CCNT1: variants seen among roughly 807,000 people sequenced by gnomAD.
CCNT1 encodes cyclin T1.
In CCNT1, 18 loss-of-function variants were observed where a neutral mutation model predicts 67.3. The ratio of observed to expected loss-of-function variants is 0.27; its 90% confidence interval spans 0.18 to 0.40. The LOEUF (loss-of-function observed/expected upper bound fraction) is 0.40, where lower values mean the gene tolerates loss of function less well. Among genes scored for constraint, CCNT1 ranks in the 10% least tolerant of loss-of-function variants. The pLI, the probability that CCNT1 is intolerant of heterozygous loss-of-function variation, is 1.00. For synonymous variants in CCNT1, 333 were observed against 310.3 expected, an observed-to-expected ratio of 1.07 and a Z score of -0.77; for missense variants, 744 against 884.9, an observed-to-expected ratio of 0.84 and a Z score of 2.02.
Position 48,694,433 on chromosome 12 carries a change from A to G in CCNT1, c.781T>C (p.Cys261Arg). 1 of 1,609,704 alleles carries G rather than the reference A, an allele frequency of 6.2e-7. No individual in the cohort carries two copies. The highest frequency in any genetic ancestry group is 8.5e-7 in the Non-Finnish European group (1 of 1,176,712). The stretch of plus-strand genomic sequence containing the variant: ...GCTTTTGTTTTCTTGGCAGCCTCGC[A>G]TGCCTGCAATGAAGCAAATAGCATC... ...RLKRIWNWRACEAAKKTKADD... is the reference protein window; with the variant it reads ...RLKRIWNWRAREAAKKTKADD... Residue 261 changes from cysteine to arginine, a missense_variant, in exon 9 of 9, where the codon TGC (cysteine) becomes CGC (arginine). This residue lies in a region of CCNT1 where 564 missense variants were observed against 574.2 expected (regional missense o/e 0.98). Coordinates refer to ENST00000261900, the MANE Select transcript of CCNT1 (RefSeq NM_001240.4).
chr12:48,696,000 A>T lies in CCNT1; in HGVS notation c.705T>A (p.Asp235Glu). 6.2e-7 allele frequency: 1 copy of T among 1,614,078 alleles called. No homozygotes were observed. Among genetic ancestry groups the T allele is most frequent in the Non-Finnish European group, 8.5e-7 (1 of 1,179,998 alleles). Residue 235 changes from aspartate (D) to glutamate (E), a missense_variant and splice_region_variant, in exon 7 of 9, where the codon GAT becomes GAA. By Grantham distance (45) the Asp-to-Glu change is conservative. Around this residue, in one of 3 missense-constraint regions of CCNT1, gnomAD observed 142 missense variants for 277.0 expected, o/e 0.51. Coordinates refer to ENST00000261900, the MANE Select transcript of CCNT1 (RefSeq NM_001240.4). ...AAGGTCCCTTACTCTAAAACTTACCATCTAAAAGTTCCAAGGTCACAGTGG... is the reference window on the plus strand; with the variant it reads ...AAGGTCCCTTACTCTAAAACTTACCTTCTAAAAGTTCCAAGGTCACAGTGG... ...VDATVTLELL[D>E]ELTHEFLQIL... is the part of the protein sequence containing the mutation.
intron 2 of CCNT1, 31 bp downstream of exon 2, chr12:48,714,412 G>A: frequency 7.4e-7 from 1 of 1,351,550 alleles, no homozygotes. Context: ...AATCACAAAA[G>A]GATTATATCA....
chr12:48,700,176 G>A (rs1040554425), intron 4 of CCNT1, among the ~76,000 whole-genome samples: 3 of 151,838 alleles, frequency 2.0e-5, no homozygotes, highest in African/African-American at 7.3e-5. Flanking sequence ...AAATTTAGCT[G>A]GGCGTGGTGG....
At chr12:48,711,012 G>A (rs1050283699) in intron 2 of CCNT1, among the ~76,000 whole-genome samples, 1 of 152,070 alleles carries the variant, frequency 6.6e-6, no homozygotes, top group African/African-American at 2.4e-5. Flanking sequence ...AGTGAGCTGA[G>A]ATCGCGCAGC....
chr12:48,694,518 G>T (rs969946788), intron 8 of CCNT1, 82 bp from the exon 9 acceptor site: 3 of 1,290,394 alleles, frequency 2.3e-6, no homozygotes, highest in Non-Finnish European at 3.2e-6. Flanking sequence ...TGTACTTGCA[G>T]CAACACTGGA....
At chr12:48,694,546 AG>A in intron 8 of CCNT1, 110 bp from the exon 9 acceptor site, 1 of 861,806 alleles carries the variant, frequency 1.2e-6, no homozygotes, top group South Asian at 1.7e-5. Context: ...GATAGGCCAC[AG>A]GCAGGAGGCT....
chr12:48,698,317 G>A (rs988615623), intron 5 of CCNT1, 134 bp from the exon 6 acceptor site: 2 of 580,176 alleles, frequency 3.4e-6, no homozygotes, highest in African/African-American at 1.9e-5. Flanking sequence ...GACACACATG[G>A]TCCCTGTAAA....
chr12:48,700,977 A>G, intron 4 of CCNT1, 36 bp downstream of exon 4: 1 of 1,258,616 alleles, frequency 7.9e-7, no homozygotes, highest in Non-Finnish European at 1.1e-6. Context: ...TTTATTGCAT[A>G]ATTTAAAAAA....
At chr12:48,701,192 G>A (rs2137231865) in intron 3 of CCNT1, 119 bp from the exon 4 acceptor site, 1 of 442,566 alleles carries the variant, frequency 2.3e-6, no homozygotes, top group East Asian at 3.7e-5. Context: ...GAGTTAGGAG[G>A]TAGAGTTAAG....
chr12:48,712,751 C>A (rs1183386382), intron 2 of CCNT1, among the ~76,000 whole-genome samples: 1 of 151,682 alleles, frequency 6.6e-6, no homozygotes, highest in Admixed American at 6.6e-5. Flanking sequence ...ACCAGCCTGG[C>A]CAACGTGGTG....
chr12:48,695,821 G>T lies in CCNT1; in HGVS notation c.715C>A (p.His239Asn). Residue 239 changes from histidine to asparagine, a missense_variant, in exon 8 of 9, where the codon CAT becomes AAT. His to Asn is a moderately conservative substitution (Grantham distance 68). Transcript: ENST00000261900. ...TTCTCCAAAATCTGTAGAAACTCAT[G>T]TGTCAGTTCTACAAGTAAAACAGAA... Reference protein sequence around the residue: ...VTLELLDELTHEFLQILEKTP... With the variant: ...VTLELLDELTNEFLQILEKTP... 2 of 1,609,560 alleles carry T rather than the reference G, an allele frequency of 1.2e-6. No homozygotes were observed. The highest frequency in any genetic ancestry group is 1.7e-6 in the Non-Finnish European group (2 of 1,175,834).
intron 3 of CCNT1, among the ~76,000 whole-genome samples, chr12:48,701,876 G>T (rs563579577): frequency 8.6e-5 from 13 of 151,822 alleles, no homozygotes; most frequent in Non-Finnish European, 1.9e-4. Flanking sequence ...AAAGTGCTGG[G>T]ATTACAGGCG....
At chr12:48,704,177 A>G (rs1003332239) in intron 3 of CCNT1, among the ~76,000 whole-genome samples, 7 of 152,210 alleles carry the variant, frequency 4.6e-5, no homozygotes, top group Non-Finnish European at 8.8e-5. Flanking sequence ...GAAGCCACAA[A>G]TAACAGTGGT....
chr12:48,693,149 CA>C lies in CCNT1; in HGVS notation c.2064del (p.Ser688ArgfsTer4). The C allele has an allele frequency of 6.2e-7, 1 of 1,614,140 alleles. No individual in the cohort carries two copies. On this transcript the variant is annotated frameshift_variant, in exon 9 of 9. Coordinates refer to ENST00000261900, the MANE Select transcript of CCNT1 (RefSeq NM_001240.4). LOFTEE classifies it high-confidence loss of function. ...CCACCAGACCGAGGATTCAGATAGT[CA>C]CTATAAGGACGAACAAATTCAAATG... is the stretch of plus-strand genomic sequence containing the variant. Reference protein sequence around the residue: ...PTAFEFVRPYSDYLNPRSGGI... With the variant: ...PTAFEFVRPYXDYLNPRSGGI...
chr12:48,693,344 A>C lies in CCNT1; in HGVS notation c.1870T>G (p.Ser624Ala), dbSNP rs766874197. Residue 624 changes from serine to alanine, a missense_variant, in exon 9 of 9, where the codon TCC becomes GCC. This residue lies in a region of CCNT1 where 564 missense variants were observed against 574.2 expected (regional missense o/e 0.98). Coordinates refer to ENST00000261900, the MANE Select transcript of CCNT1 (RefSeq NM_001240.4). ...PGHSSDTSGL[S>A]FSQPSCKTRV... ...GTTTTACAGCTGGGCTGTGAAAAGG[A>C]AAGGCCACTTGTGTCTGAGCTATGC... The C allele has an allele frequency of 1.2e-6, 2 of 1,614,214 alleles. No homozygotes were observed. Among genetic ancestry groups the C allele is most frequent in the Admixed American group, 1.7e-5 (1 of 60,028 alleles).
chr12:48,706,260 GA>G (rs1940358953), intron 2 of CCNT1, among the ~76,000 whole-genome samples: 1 of 152,180 alleles, frequency 6.6e-6, no homozygotes, highest in African/African-American at 2.4e-5. Context: ...TCCATATAGA[GA>G]AAAAGTTTAG....
At chr12:48,713,976 C>T (rs1247322867) in intron 2 of CCNT1, among the ~76,000 whole-genome samples, 1 of 152,078 alleles carries the variant, frequency 6.6e-6, no homozygotes, top group African/African-American at 2.4e-5. Flanking sequence ...CTCACTGCAT[C>T]CTCAACTCCC....
In CCNT1 at chr12:48,698,121, A is replaced by G; in HGVS notation, c.542+17T>C. ...CTATACCAAAAATCGAAGAGAAAAA[A>G]AAATTAAAATATAAACCTGTTGGTT... On this transcript the variant is annotated intron_variant, in intron 6 of 8. Transcript: ENST00000261900. 2 of 1,549,890 alleles carry G rather than the reference A, an allele frequency of 1.3e-6. No homozygotes were observed. Among genetic ancestry groups the G allele is most frequent in the Non-Finnish European group, 1.7e-6 (2 of 1,145,642 alleles).
chr12:48,700,276 G>A (rs1465553437), intron 4 of CCNT1, among the ~76,000 whole-genome samples: 1 of 143,868 alleles, frequency 7.0e-6, no homozygotes, highest in Non-Finnish European at 1.5e-5. Context: ...CCAAGATTGT[G>A]CCACTGCACT....
Sources: allele counts gnomAD v4.1 joint callset (sites outside exome capture counted in the v4.1 genomes callset), GRCh38; gene constraint gnomAD v4.1.1; regional missense constraint gnomAD v4.1.1; transcripts MANE v1.5; gene names NCBI Gene and HGNC (gene_info 2026-07-23, HGNC 2026-07-21).